ZFR: variants seen among roughly 807,000 people sequenced by gnomAD.
The protein encoded by ZFR is zinc finger RNA-binding protein.
Under a neutral mutation model 130.7 loss-of-function variants are expected in ZFR, and 19 were observed. The observed-to-expected ratio is 0.15, with a 90% confidence interval of 0.10 to 0.21. The LOEUF is 0.21. ZFR is among the 10% of genes least tolerant of loss of function. The pLI is 1.00. For missense variants in ZFR, 872 were observed against 1,321.5 expected (o/e 0.66, Z 5.27); for synonymous variants, 466 against 456.9 (o/e 1.02, Z -0.25).
At chr5:32,443,194 A>C (rs1455666128) in intron 2 of ZFR, among the ~76,000 whole-genome samples, 2 of 152,232 alleles carry the variant, frequency 1.3e-5, no homozygotes, top group African/African-American at 4.8e-5. Context: ...ATACATAAAA[A>C]GCATATCACG....
intron 2 of ZFR, among the ~76,000 whole-genome samples, chr5:32,424,423 C>T (rs1402393880): frequency 1.3e-5 from 2 of 151,376 alleles, no homozygotes; most frequent in East Asian, 1.9e-4. Context: ...CCCGGCTACT[C>T]GGGAGGTTGA....
In ZFR at chr5:32,387,718, A is replaced by G. The variant is rs1420505167; in HGVS notation, c.2349-19T>C. ...CAAAGCTCTGCAGTAAAATAAAATT[A>G]TATTATGATATTTCTCTGCTTAACC... On this transcript the variant is annotated intron_variant, in intron 13 of 19. Coordinates refer to ENST00000265069, the MANE Select transcript of ZFR (RefSeq NM_016107.5). The G allele has an allele frequency of 6.3e-7, 1 of 1,592,060 alleles. No homozygotes were observed. The highest frequency in any genetic ancestry group is 8.6e-7 in the Non-Finnish European group (1 of 1,167,476).
At chr5:32,444,174 A>T (rs1225180499) in intron 2 of ZFR, 55 bp downstream of exon 2, 156 of 1,564,836 alleles carry the variant, frequency 1.0e-4, no homozygotes, top group Non-Finnish European at 1.3e-4. Context: ...CATCGACAGG[A>T]TCCGGACCGA....
chr5:32,401,867 A>G (rs1001234721), intron 8 of ZFR, among the ~76,000 whole-genome samples: 1 of 152,370 alleles, frequency 6.6e-6, no homozygotes, highest in South Asian at 2.1e-4. Context: ...TTATAGAGAT[A>G]GAAACAAGAC....
intron 15 of ZFR, among the ~76,000 whole-genome samples, chr5:32,380,866 T>C (rs111568366): frequency 1.2e-4 from 18 of 151,600 alleles, no homozygotes; most frequent in African/African-American, 4.1e-4. Context: ...GCCAGGCTGG[T>C]TTTTAACTCC....
In ZFR at chr5:32,388,761, T is replaced by A. The variant is rs1753095804; in HGVS notation, c.2143-87A>T. On this transcript the variant is annotated intron_variant, in intron 12 of 19. Transcript: ENST00000265069. ...TTTTCAACTATACATATTTGTTGTA[T>A]CTTTTCAATAAGAAAGCCTTTATCT... 1.1e-5 allele frequency: 13 copies of A among 1,187,692 alleles called. No homozygotes were observed. In the South Asian group the frequency reaches 2.1e-4, roughly 19 times the overall value. The allele number at this position is 1,187,692 out of a possible 1,614,324, so 73.6% of individuals were successfully genotyped here. A position where few individuals can be genotyped will look rare whatever the true frequency, so the allele number is the denominator to read the frequency against.
In ZFR at chr5:32,395,320, A is replaced by T; in HGVS notation, c.1834-16T>A. ...TTACTTTTTTCTATTAATATAAATA[A>T]GACATTTAAAAAACAGCAGCCCCAA... On this transcript the variant is annotated splice_polypyrimidine_tract_variant and intron_variant, in intron 10 of 19. Transcript: ENST00000265069. 2 of 1,520,822 alleles carry T rather than the reference A, an allele frequency of 1.3e-6. No individual in the cohort carries two copies. Among genetic ancestry groups the T allele is most frequent in the Non-Finnish European group, 1.8e-6 (2 of 1,138,018 alleles). The allele number at this position is 1,520,822 out of a possible 1,614,324, so 94.2% of individuals were successfully genotyped here.
At chr5:32,372,029 T>C (rs889533031) in intron 17 of ZFR, among the ~76,000 whole-genome samples, 1 of 152,172 alleles carries the variant, frequency 6.6e-6, no homozygotes. Flanking sequence ...CATTCTTGGA[T>C]TGAAACCTGA....
chr5:32,413,014 C>T (rs1753743854), intron 5 of ZFR, among the ~76,000 whole-genome samples: 1 of 152,062 alleles, frequency 6.6e-6, no homozygotes, highest in African/African-American at 2.4e-5. Flanking sequence ...CATGGCGAAA[C>T]CCTGTCTCTA....
At chr5:32,442,978 G>A (rs543943733) in intron 2 of ZFR, among the ~76,000 whole-genome samples, 253 of 1,618 alleles carry the variant, frequency 0.16, 2 homozygotes, top group Admixed American at 0.24. Flanking sequence ...GGCCGAGGCA[G>A]GACTCTGCCC....
At chr5:32,385,154 T>TA (rs1753017873) in intron 15 of ZFR, among the ~76,000 whole-genome samples, 1 of 152,132 alleles carries the variant, frequency 6.6e-6, no homozygotes, top group Non-Finnish European at 1.5e-5. Flanking sequence ...TAATCCAACT[T>TA]AAAGTTGTGT....
chr5:32,390,665 A>C lies in ZFR; in HGVS notation c.1980-228T>G, dbSNP rs147768003. ...AGCCTGAGGAAAAAGTAAAAAGAAC[A>C]GGCATCAGAAACCTCAGTTTCTTAC... is the stretch of plus-strand genomic sequence containing the variant. On this transcript the variant is annotated intron_variant, in intron 11 of 19. Coordinates refer to ENST00000265069, the MANE Select transcript of ZFR (RefSeq NM_016107.5). Among the ~76,000 whole-genome samples the C allele has an allele frequency of 1.5e-3, 232 of 152,308 alleles. 2 individuals are homozygous for C. The highest frequency in any genetic ancestry group is 5.2e-3 in the African/African-American group (217 of 41,566).
At chr5:32,393,601 CA>C (rs1422117077) in intron 11 of ZFR, among the ~76,000 whole-genome samples, 1 of 152,200 alleles carries the variant, frequency 6.6e-6, no homozygotes, top group Non-Finnish European at 1.5e-5. Context: ...CTCAGCCTCC[CA>C]AAGTGTTGGG....
chr5:32,385,737 T>A, intron 14 of ZFR, 88 bp from the exon 15 acceptor site: 1 of 1,454,272 alleles, frequency 6.9e-7, no homozygotes, highest in Non-Finnish European at 9.4e-7. Context: ...ACTCTCTTAC[T>A]ACCCTAACCA....
At chr5:32,407,344 T>C (rs1421987349) in intron 5 of ZFR, among the ~76,000 whole-genome samples, 1 of 151,334 alleles carries the variant, frequency 6.6e-6, no homozygotes, top group African/African-American at 2.4e-5. Context: ...AATCTGCTAA[T>C]ATGTCCCCAA....
intron 9 of ZFR, among the ~76,000 whole-genome samples, chr5:32,399,274 C>CAAACAA (rs58380702): frequency 0.44 from 64,886 of 147,710 alleles, 14,557 homozygotes; most frequent in East Asian, 0.53. Context: ...GACTCTGTCT[C>CAAACAA]AAACAAAAAC....
rs75207940 is a variant in ZFR, at chr5:32,412,431, A to G, written c.784+2538T>C. On this transcript the variant is annotated intron_variant, in intron 5 of 19. Transcript: ENST00000265069. Reference sequence around the variant, plus strand: ...CAAGATAAAAATAAGGAACTGTTCTACATTAAAGCAAACTAACAAAGAATG... The same window carrying G: ...CAAGATAAAAATAAGGAACTGTTCTGCATTAAAGCAAACTAACAAAGAATG... 6.3e-3 allele frequency among the ~76,000 whole-genome samples: 960 copies of G among 152,344 alleles called. 4 individuals are homozygous for G. Among genetic ancestry groups the G allele is most frequent in the South Asian group, 0.011 (53 of 4,830 alleles).
chr5:32,393,298 T>C (rs568442450), intron 11 of ZFR, among the ~76,000 whole-genome samples: 1 of 152,312 alleles, frequency 6.6e-6, no homozygotes, highest in African/African-American at 2.4e-5. Flanking sequence ...ATAATTAAAA[T>C]GTCATTTTAA....
At chr5:32,395,048 T>C in intron 11 of ZFR, 111 bp downstream of exon 11, 1 of 1,370,948 alleles carries the variant, frequency 7.3e-7, no homozygotes, top group South Asian at 2.0e-5. Flanking sequence ...GAGTGAAAAT[T>C]GGAAGTAAAT....
Sources: gnomAD v4.1 joint callset for allele counts (sites outside exome capture counted in the v4.1 genomes callset) on GRCh38, gnomAD v4.1.1 for gene constraint, MANE v1.5 for transcripts, NCBI Gene and HGNC (gene_info 2026-07-23, HGNC 2026-07-21) for gene names.